UVRAG: variants seen among roughly 807,000 people sequenced by gnomAD.
UVRAG encodes UV radiation resistance associated.
A neutral mutation model predicts 78.0 loss-of-function variants in UVRAG; 19 were observed. The observed-to-expected ratio is 0.24, with a 90% CI of 0.17 to 0.36. The LOEUF is 0.36. UVRAG is among the 10% of genes least tolerant of loss of function. UVRAG has a pLI of 1.00. For synonymous variants in UVRAG, 323 were observed against 324.6 expected (o/e 1.00, Z 0.05); for missense variants, 740 against 853.8 (o/e 0.87, Z 1.66).
chr11:75,900,760 T>C (rs1947475686), intron 5 of UVRAG, among the ~76,000 whole-genome samples: 3 of 152,344 alleles, frequency 2.0e-5, no homozygotes, highest in African/African-American at 4.8e-5. Context: ...CTGAGAATAT[T>C]TGAAGTATGA....
chr11:76,133,233 A>T (rs1009937704), intron 14 of UVRAG, among the ~76,000 whole-genome samples: 1 of 152,182 alleles, frequency 6.6e-6, no homozygotes, highest in Non-Finnish European at 1.5e-5. Flanking sequence ...TACTGCAGTA[A>T]CTATTGGTAG....
chr11:76,134,820 G>A (rs1413505660), intron 14 of UVRAG, among the ~76,000 whole-genome samples: 1 of 152,138 alleles, frequency 6.6e-6, no homozygotes, highest in Non-Finnish European at 1.5e-5. Context: ...TTTATAAATA[G>A]TCATTAAATA....
chr11:76,019,988 C>T (rs952338479), intron 12 of UVRAG, among the ~76,000 whole-genome samples: 2 of 152,136 alleles, frequency 1.3e-5, no homozygotes, highest in South Asian at 4.1e-4. Flanking sequence ...GAGTCCAAAA[C>T]CTTAGAAATC....
At chr11:76,000,565 A>G (rs1255230064) in intron 8 of UVRAG, among the ~76,000 whole-genome samples, 1 of 152,070 alleles carries the variant, frequency 6.6e-6, no homozygotes, top group Non-Finnish European at 1.5e-5. Flanking sequence ...CTGAGATTAC[A>G]CCATTGCACA....
chr11:76,010,827 C>A (rs1187564648), intron 11 of UVRAG, among the ~76,000 whole-genome samples: 2 of 152,008 alleles, frequency 1.3e-5, no homozygotes, highest in Non-Finnish European at 2.9e-5. Flanking sequence ...GGAAGAGCTA[C>A]GTTAGAAGAG....
At chr11:76,040,754 A>G (rs1950634193) in intron 12 of UVRAG, among the ~76,000 whole-genome samples, 1 of 151,888 alleles carries the variant, frequency 6.6e-6, no homozygotes, top group African/African-American at 2.4e-5. Context: ...ACGAGGTTTC[A>G]CCATGTTGGC....
chr11:76,105,397 C>G (rs1334020753), intron 13 of UVRAG, among the ~76,000 whole-genome samples: 1 of 151,846 alleles, frequency 6.6e-6, no homozygotes, highest in Non-Finnish European at 1.5e-5. Context: ...AAAGCAATAC[C>G]TTGTCTTAAA....
At chr11:75,871,594 C>G (rs556931846) in intron 3 of UVRAG, among the ~76,000 whole-genome samples, 8 of 152,252 alleles carry the variant, frequency 5.3e-5, no homozygotes, top group Admixed American at 2.0e-4. Context: ...TGCATCTGCT[C>G]TTTTGCTCAG....
At chr11:75,892,622 A>G (rs935179291) in intron 5 of UVRAG, among the ~76,000 whole-genome samples, 1 of 152,174 alleles carries the variant, frequency 6.6e-6, no homozygotes, top group Non-Finnish European at 1.5e-5. Flanking sequence ...CTTATTGAAT[A>G]TATGATCGTA....
At chr11:76,017,946 GAGAA>G (rs557691766) in intron 12 of UVRAG, among the ~76,000 whole-genome samples, 46 of 152,202 alleles carry the variant, frequency 3.0e-4, no homozygotes, top group African/African-American at 1.0e-3. Context: ...CAAAGAATAA[GAGAA>G]AGGAACAAAG....
chr11:76,009,408 A>G (rs1241385195), intron 11 of UVRAG, among the ~76,000 whole-genome samples: 1 of 152,190 alleles, frequency 6.6e-6, no homozygotes, highest in Non-Finnish European at 1.5e-5. Flanking sequence ...TAATTTCTAT[A>G]TTTTAAAATC....
At position 76,126,911 on chromosome 11, in the gene UVRAG, C is replaced by T. The variant is rs540801220; in HGVS notation, c.1397+10896C>T. 2.0e-5 allele frequency among the ~76,000 whole-genome samples: 3 copies of T among 152,226 alleles called. No homozygotes were observed. The South Asian group carries it at 6.2e-4, about 32-fold the overall frequency. On this transcript the variant is annotated intron_variant, in intron 14 of 14. Transcript: ENST00000356136. Reference sequence around the variant, plus strand: ...GCCTTAAATGCCCTTCCCTTCATTTCTTGCTCTACCTCACCCCCAACACAC... The same window carrying T: ...GCCTTAAATGCCCTTCCCTTCATTTTTTGCTCTACCTCACCCCCAACACAC...
chr11:76,130,312 A>G (rs1037957975), intron 14 of UVRAG, among the ~76,000 whole-genome samples: 12 of 152,172 alleles, frequency 7.9e-5, no homozygotes, highest in African/African-American at 2.9e-4. Flanking sequence ...TATGTGATGT[A>G]TGTGTACTTG....
chr11:75,880,928 C>CTTTTTT (rs773034018), intron 4 of UVRAG, among the ~76,000 whole-genome samples: 8 of 87,708 alleles, frequency 9.1e-5, no homozygotes, highest in Admixed American at 1.3e-4. Flanking sequence ...TTATTTACTT[C>CTTTTTT]TTTTTTTTTT....
At chr11:75,831,266 A>G (rs1851714256) in intron 1 of UVRAG, among the ~76,000 whole-genome samples, 2 of 152,154 alleles carry the variant, frequency 1.3e-5, no homozygotes, top group African/African-American at 2.4e-5. Flanking sequence ...AGGCGGGCAG[A>G]TCACGAGGTC....
chr11:75,947,848 A>T (rs1307006408), intron 6 of UVRAG, among the ~76,000 whole-genome samples: 3 of 152,190 alleles, frequency 2.0e-5, no homozygotes, highest in Admixed American at 2.0e-4. Context: ...TGAAATATCC[A>T]TTTCAAGTTT....
chr11:76,009,677 A>AGT (rs1950015351), intron 11 of UVRAG, among the ~76,000 whole-genome samples: 1 of 152,196 alleles, frequency 6.6e-6, no homozygotes, highest in Non-Finnish European at 1.5e-5. Context: ...ATCATTTAAC[A>AGT]TCTAAGAGTG....
chr11:75,947,462 G>C (rs549833341), intron 6 of UVRAG, among the ~76,000 whole-genome samples: 1 of 152,226 alleles, frequency 6.6e-6, no homozygotes, highest in East Asian at 1.9e-4. Flanking sequence ...GTTGAGATAC[G>C]AGTTATATTA....
intron 13 of UVRAG, among the ~76,000 whole-genome samples, chr11:76,066,131 G>T (rs1468040821): frequency 6.6e-6 from 1 of 152,134 alleles, no homozygotes; most frequent in East Asian, 1.9e-4. Flanking sequence ...TATTTCTAGG[G>T]ACTCAATTTG....
Sources: allele counts gnomAD v4.1 joint callset (sites outside exome capture counted in the v4.1 genomes callset), GRCh38; gene constraint gnomAD v4.1.1; transcripts MANE v1.5; gene names NCBI Gene and HGNC (gene_info 2026-07-23, HGNC 2026-07-21).